Variants in UBR3 observed in about 807,000 individuals in gnomAD.
UBR3 encodes ubiquitin protein ligase E3 component n-recognin 3.
Under a neutral mutation model 243.2 loss-of-function variants are expected in UBR3, and 85 were observed. That is an observed-to-expected ratio of 0.35 (90% CI 0.29 to 0.42). UBR3 has a LOEUF of 0.42. UBR3 is among the 10% of genes least tolerant of loss of function. The probability of loss-of-function intolerance (pLI) is 1.00; values close to 1 mark genes in which losing one functional copy is unlikely to be tolerated. For synonymous variants in UBR3, 748 were observed against 799.8 expected (o/e 0.94, Z 1.09); for missense variants, 1,686 against 2,300.8 (o/e 0.73, Z 5.47).
chr2:169,946,518 G>A, intron 21 of UBR3, 126 bp downstream of exon 21: 1 of 420,600 alleles, frequency 2.4e-6, no homozygotes. Flanking sequence ...ATGTATTTGT[G>A]AATTCATCTT....
intron 19 of UBR3, among the ~76,000 whole-genome samples, chr2:169,938,386 G>A (rs1174697977): frequency 2.7e-5 from 4 of 150,838 alleles, no homozygotes; most frequent in Non-Finnish European, 4.4e-5. Context: ...TTGGCTTCCC[G>A]AGTAGCTGGG....
At chr2:170,030,482 GCA>G (rs1160212507) in intron 31 of UBR3, among the ~76,000 whole-genome samples, 3 of 151,992 alleles carry the variant, frequency 2.0e-5, no homozygotes, top group South Asian at 2.1e-4. Flanking sequence ...ACATAAGATT[GCA>G]CAGTTTTCAT....
At chr2:170,029,905 G>C (rs2090625101) in intron 31 of UBR3, among the ~76,000 whole-genome samples, 1 of 152,038 alleles carries the variant, frequency 6.6e-6, no homozygotes, top group Non-Finnish European at 1.5e-5. Flanking sequence ...TGATTAAATG[G>C]AATGTTTTTA....
chr2:169,912,782 C>CT (rs373716307), intron 10 of UBR3, among the ~76,000 whole-genome samples: 21 of 148,968 alleles, frequency 1.4e-4, no homozygotes, highest in African/African-American at 4.2e-4. Flanking sequence ...AACTGCCAAG[C>CT]TTTTTTTTTT....
intron 24 of UBR3, among the ~76,000 whole-genome samples, chr2:169,982,124 TA>T (rs1406482342): frequency 2.0e-5 from 3 of 152,306 alleles, no homozygotes; most frequent in South Asian, 2.1e-4. Flanking sequence ...AATTTTCTAT[TA>T]ATGTATGCAA....
intron 1 of UBR3, among the ~76,000 whole-genome samples, chr2:169,857,064 G>GTTTTGTTTTTTTTT (rs1255937396): frequency 1.2e-4 from 7 of 56,092 alleles, no homozygotes; most frequent in East Asian, 8.7e-4. Flanking sequence ...ATTTTATTAT[G>GTTTTGTTTTTTTTT]TTTTTTTTTT....
chr2:169,881,932 TATA>T (rs2083869507), intron 5 of UBR3, among the ~76,000 whole-genome samples: 1 of 43,432 alleles, frequency 2.3e-5, no homozygotes, highest in African/African-American at 4.5e-5. Flanking sequence ...CATGTATACA[TATA>T]ATATAATTAC....
chr2:169,895,551 A>T (rs559427123), intron 7 of UBR3, among the ~76,000 whole-genome samples: 1 of 152,338 alleles, frequency 6.6e-6, no homozygotes, highest in African/African-American at 2.4e-5. Context: ...CTTGGTCTGG[A>T]GGGAATGCTG....
At chr2:169,991,069 T>C (rs1025731423) in intron 25 of UBR3, among the ~76,000 whole-genome samples, 2 of 152,032 alleles carry the variant, frequency 1.3e-5, no homozygotes, top group Admixed American at 6.6e-5. Flanking sequence ...GTGGTTATAG[T>C]ATGAGACAAA....
chr2:169,866,041 C>T (rs1179207011), intron 1 of UBR3, among the ~76,000 whole-genome samples: 19 of 148,946 alleles, frequency 1.3e-4, no homozygotes, highest in Admixed American at 1.1e-3. Context: ...ATCCCAGCTA[C>T]TCGGGAGGTT....
chr2:169,965,979 A>T (rs75610331), intron 24 of UBR3, among the ~76,000 whole-genome samples: 1 of 151,900 alleles, frequency 6.6e-6, no homozygotes, highest in African/African-American at 2.4e-5. Flanking sequence ...TAAATCCTCT[A>T]ATCAAATATA....
At chr2:169,948,091 T>G (rs2086856719) in intron 22 of UBR3, among the ~76,000 whole-genome samples, 1 of 148,696 alleles carries the variant, frequency 6.7e-6, no homozygotes, top group Non-Finnish European at 1.5e-5. Flanking sequence ...TTTTTTTTTT[T>G]GACAAAGTGA....
At chr2:169,894,116 A>C (rs1283772944) in intron 6 of UBR3, among the ~76,000 whole-genome samples, 1 of 152,024 alleles carries the variant, frequency 6.6e-6, no homozygotes, top group Non-Finnish European at 1.5e-5. Flanking sequence ...CTAATAATAA[A>C]GAAATGTAGC....
At chr2:169,837,617 G>A (rs1291094999) in intron 1 of UBR3, among the ~76,000 whole-genome samples, 1 of 152,140 alleles carries the variant, frequency 6.6e-6, no homozygotes, top group Non-Finnish European at 1.5e-5. Flanking sequence ...CAGAGCAGCA[G>A]GGGGGGAGAA....
intron 32 of UBR3, among the ~76,000 whole-genome samples, chr2:170,045,230 A>G (rs2091055242): frequency 6.6e-6 from 1 of 152,188 alleles, no homozygotes; most frequent in Admixed American, 6.5e-5. Context: ...GCATGAAACC[A>G]TTAGATCTCA....
At chr2:169,974,798 A>G (rs6705754) in intron 24 of UBR3, among the ~76,000 whole-genome samples, 41,165 of 151,992 alleles carry the variant, frequency 0.27, 5,800 homozygotes, top group East Asian at 0.42. Context: ...GTTTATTGCT[A>G]TAAACTTCCT....
At chr2:170,043,023 A>G (rs2091005871) in intron 32 of UBR3, among the ~76,000 whole-genome samples, 1 of 152,126 alleles carries the variant, frequency 6.6e-6, no homozygotes, top group African/African-American at 2.4e-5. Context: ...GCCTTGGATC[A>G]TGCTGGTTTA....
intron 24 of UBR3, among the ~76,000 whole-genome samples, chr2:169,977,116 T>A (rs1426211859): frequency 6.6e-6 from 1 of 152,192 alleles, no homozygotes; most frequent in Non-Finnish European, 1.5e-5. Flanking sequence ...TTCTTATGCA[T>A]AAGAAATTTT....
intron 5 of UBR3, among the ~76,000 whole-genome samples, chr2:169,884,581 C>T (rs532816080): frequency 2.6e-5 from 4 of 152,062 alleles, no homozygotes; most frequent in South Asian, 2.1e-4. Context: ...GTGACTCTTC[C>T]GCTAGTCTCT....
Sources: gnomAD v4.1 joint callset for allele counts (sites outside exome capture counted in the v4.1 genomes callset) on GRCh38, gnomAD v4.1.1 for gene constraint, MANE v1.5 for transcripts, NCBI Gene and HGNC (gene_info 2026-07-23, HGNC 2026-07-21) for gene names.